Variants in MPPED2 observed in about 807,000 individuals in gnomAD.
The protein encoded by MPPED2 is metallophosphoesterase domain containing 2.
MPPED2 carries 5 observed loss-of-function variants against 33.0 expected under a neutral mutation model. The observed-to-expected ratio is 0.15, with a 90% CI of 0.08 to 0.32. MPPED2 has a LOEUF of 0.32. Ranked by LOEUF, MPPED2 falls within the 10% of genes least tolerant of loss-of-function variation. The pLI is 1.00. For missense variants in MPPED2, 275 were observed against 372.1 expected, an observed-to-expected ratio of 0.74 and a Z score of 2.15; for synonymous variants, 136 against 141.9, an observed-to-expected ratio of 0.96 and a Z score of 0.29.
chr11:30,541,729 A>T (rs756490952), intron 2 of MPPED2, among the ~76,000 whole-genome samples: 3 of 152,160 alleles, frequency 2.0e-5, no homozygotes, highest in African/African-American at 4.8e-5. Flanking sequence ...AGTAACTACG[A>T]CTACAGGCAT....
chr11:30,480,788 T>C (rs953551049), intron 4 of MPPED2, among the ~76,000 whole-genome samples: 5 of 152,316 alleles, frequency 3.3e-5, no homozygotes, highest in Non-Finnish European at 5.9e-5. Flanking sequence ...TTTCAATTCC[T>C]TTCCAGTGAC....
chr11:30,580,806 G>T (rs1957131602), intron 1 of MPPED2, among the ~76,000 whole-genome samples: 1 of 152,150 alleles, frequency 6.6e-6, no homozygotes. Flanking sequence ...ATGGCATCTG[G>T]CTATACATGG....
downstream of MPPED2, among the ~76,000 whole-genome samples, chr11:30,406,962 T>C (rs142089627): frequency 5.7e-4 from 87 of 152,356 alleles, 1 homozygote; most frequent in East Asian, 0.016. Flanking sequence ...TATCTGGATG[T>C]TGATTCTGCC....
chr11:30,446,477 A>AG (rs1179336441), intron 4 of MPPED2, among the ~76,000 whole-genome samples: 2 of 151,988 alleles, frequency 1.3e-5, no homozygotes, highest in Non-Finnish European at 2.9e-5. Context: ...CTCACTCCAA[A>AG]GGGAAAAAAA....
At chr11:30,423,591 G>C (rs1488648813) in intron 4 of MPPED2, among the ~76,000 whole-genome samples, 1 of 152,214 alleles carries the variant, frequency 6.6e-6, no homozygotes, top group Non-Finnish European at 1.5e-5. Flanking sequence ...ACGGTTAAGA[G>C]CATGGATTAT....
chr11:30,385,309 A>C (rs1947690027), exon 7 of MPPED2: 1 of 152,212 alleles, frequency 6.6e-6, no homozygotes, highest in South Asian at 2.1e-4. Flanking sequence ...ATATGGTTTT[A>C]CTTCAATGTG....
At chr11:30,400,156 G>A (rs544559550) in intron 6 of MPPED2, among the ~76,000 whole-genome samples, 2 of 152,250 alleles carry the variant, frequency 1.3e-5, no homozygotes, top group South Asian at 4.1e-4. Flanking sequence ...TCAATTCACT[G>A]TAACCTCAAG....
intron 4 of MPPED2, among the ~76,000 whole-genome samples, chr11:30,423,437 C>G (rs368392555): frequency 6.6e-6 from 1 of 152,130 alleles, no homozygotes; most frequent in African/African-American, 2.4e-5. Flanking sequence ...CAGCTGTGCT[C>G]GGATTTGGCA....
intron 3 of MPPED2, among the ~76,000 whole-genome samples, chr11:30,528,305 G>C (rs1954318179): frequency 6.6e-6 from 1 of 151,982 alleles, no homozygotes; most frequent in Non-Finnish European, 1.5e-5. Flanking sequence ...GCCCAGGCTA[G>C]AGTGCAGTAG....
chr11:30,509,031 A>T lies in MPPED2; in HGVS notation c.311-13510T>A, dbSNP rs12801365. Among the ~76,000 whole-genome samples the T allele has an allele frequency of 8.8e-3, 1,347 of 152,290 alleles. 18 individuals carry two copies. Among genetic ancestry groups the T allele is most frequent in the African/African-American group, 0.03 (1,260 of 41,572 alleles). On this transcript the variant is annotated intron_variant, in intron 3 of 6. Transcript: ENST00000358117. ...AATCATGTGGATATGATTAGCGAAG[A>T]CCTCAATTTTGGCTACAAAATGGCC...
intron 4 of MPPED2, among the ~76,000 whole-genome samples, chr11:30,489,352 T>G (rs1443729155): frequency 6.6e-6 from 1 of 152,238 alleles, no homozygotes; most frequent in African/African-American, 2.4e-5. Flanking sequence ...GTGAGCAACC[T>G]TGTAGCTATT....
chr11:30,494,118 A>G (rs1952118707), intron 4 of MPPED2, among the ~76,000 whole-genome samples: 1 of 152,250 alleles, frequency 6.6e-6, no homozygotes, highest in African/African-American at 2.4e-5. Flanking sequence ...CAGGAAGGAC[A>G]ATCAGAGTCT....
intron 3 of MPPED2, among the ~76,000 whole-genome samples, chr11:30,523,783 A>G (rs1954007395): frequency 1.3e-5 from 2 of 152,088 alleles, no homozygotes; most frequent in Admixed American, 1.3e-4. Context: ...ATGCAGAGCT[A>G]GCATTCAGCG....
intron 2 of MPPED2, among the ~76,000 whole-genome samples, chr11:30,545,858 G>GAT (rs368482138): frequency 5.9e-4 from 89 of 151,786 alleles, no homozygotes; most frequent in Non-Finnish European, 8.9e-4. Flanking sequence ...AGGCATGACT[G>GAT]ATATACATAT....
At chr11:30,412,701 T>C (rs1418382520) in intron 6 of MPPED2, among the ~76,000 whole-genome samples, 1 of 152,206 alleles carries the variant, frequency 6.6e-6, no homozygotes, top group Non-Finnish European at 1.5e-5. Context: ...ATTTGCCCTC[T>C]TCCTGCCCTC....
intron 4 of MPPED2, among the ~76,000 whole-genome samples, chr11:30,471,849 T>G (rs1950959221): frequency 6.6e-6 from 1 of 152,156 alleles, no homozygotes; most frequent in Non-Finnish European, 1.5e-5. Flanking sequence ...TGATTTGCTA[T>G]CTTTTTCTCT....
chr11:30,520,899 C>T (rs1362278279), intron 3 of MPPED2, among the ~76,000 whole-genome samples: 1 of 152,116 alleles, frequency 6.6e-6, no homozygotes, highest in Non-Finnish European at 1.5e-5. Context: ...AGTATGTACC[C>T]ACCAGGCCCA....
intron 4 of MPPED2, among the ~76,000 whole-genome samples, chr11:30,488,737 A>G (rs1951845412): frequency 6.6e-6 from 1 of 152,184 alleles, no homozygotes; most frequent in Non-Finnish European, 1.5e-5. Flanking sequence ...GTAACTCTAG[A>G]CTAGGGCAGA....
At chr11:30,418,130 G>A (rs1948456224) in intron 4 of MPPED2, among the ~76,000 whole-genome samples, 2 of 152,156 alleles carry the variant, frequency 1.3e-5, no homozygotes, top group Admixed American at 6.5e-5. Context: ...CTCTGACACA[G>A]GCACTCTGTC....
Sources: gnomAD v4.1 joint callset for allele counts (sites outside exome capture counted in the v4.1 genomes callset) on GRCh38, gnomAD v4.1.1 for gene constraint, MANE v1.5 for transcripts, NCBI Gene and HGNC (gene_info 2026-07-23, HGNC 2026-07-21) for gene names.